MORC3: variants seen among roughly 807,000 people sequenced by gnomAD.
The protein encoded by MORC3 is MORC family CW-type zinc finger protein 3.
MORC3 carries 31 observed loss-of-function variants against 109.1 expected under a neutral mutation model. That is an observed-to-expected ratio of 0.28 (90% CI 0.21 to 0.38). MORC3 has a LOEUF of 0.38. MORC3 is among the 10% of genes least tolerant of loss of function. MORC3 has a pLI of 1.00. For synonymous variants in MORC3, 395 were observed against 380.7 expected, an observed-to-expected ratio of 1.04 and a Z score of -0.44; for missense variants, 867 against 1,135.8, an observed-to-expected ratio of 0.76 and a Z score of 3.40.
chr21:36,357,561 A>T (rs2085658655), intron 10 of MORC3, among the ~76,000 whole-genome samples: 1 of 151,244 alleles, frequency 6.6e-6, no homozygotes, highest in African/African-American at 2.4e-5. Flanking sequence ...GTATTTTTTT[A>T]ATGTGTCAGT....
intron 14 of MORC3, among the ~76,000 whole-genome samples, chr21:36,366,352 G>T (rs544896791): frequency 6.6e-6 from 1 of 151,966 alleles, no homozygotes; most frequent in Non-Finnish European, 1.5e-5. Context: ...TCATGTTGTT[G>T]CAAAGGACAT....
At chr21:36,358,594 AAAAT>A (rs965901651) in intron 10 of MORC3, among the ~76,000 whole-genome samples, 7 of 152,296 alleles carry the variant, frequency 4.6e-5, no homozygotes, top group East Asian at 1.9e-4. Context: ...ATCTCTTAAA[AAAAT>A]AAATAAATAA....
chr21:36,349,417 C>T lies in MORC3; in HGVS notation c.1103+9C>T. On this transcript the variant is annotated intron_variant, in intron 9 of 16. Transcript: ENST00000400485. ...TATACTAATGAGTACAGGTATGTTA[C>T]CTATTTAAATTATTGACTGAGGTTC... The T allele has an allele frequency of 6.6e-7, 1 of 1,519,278 alleles. No homozygotes were observed. Among genetic ancestry groups the T allele is most frequent in the Non-Finnish European group, 8.9e-7 (1 of 1,125,972 alleles). The allele number at this position is 1,519,278 out of a possible 1,614,324, so 94.1% of individuals were successfully genotyped here. A position where few individuals can be genotyped will look rare whatever the true frequency, so the allele number is the denominator to read the frequency against.
intron 16 of MORC3, among the ~76,000 whole-genome samples, chr21:36,373,490 G>T (rs2085893600): frequency 6.6e-6 from 1 of 151,844 alleles, no homozygotes; most frequent in Non-Finnish European, 1.5e-5. Flanking sequence ...TGGCATGGTG[G>T]TGCACACCTG....
chr21:36,324,956 G>A (rs1229887994), intron 1 of MORC3, among the ~76,000 whole-genome samples: 2 of 151,940 alleles, frequency 1.3e-5, no homozygotes, highest in South Asian at 2.1e-4. Flanking sequence ...TGATCCACCC[G>A]CCTCGGCCTC....
intron 1 of MORC3, among the ~76,000 whole-genome samples, chr21:36,326,163 C>T (rs778037384): frequency 2.6e-5 from 4 of 151,540 alleles, no homozygotes; most frequent in East Asian, 1.9e-4. Context: ...GCTGAGATCG[C>T]GCCATTGCAC....
intron 10 of MORC3, among the ~76,000 whole-genome samples, chr21:36,357,834 G>A (rs547540568): frequency 2.8e-4 from 41 of 147,554 alleles, no homozygotes; most frequent in South Asian, 2.5e-3. Context: ...TCCACCTCCC[G>A]GGTTCAAGCA....
At chr21:36,372,136 CTTTTT>C (rs959065888) in intron 15 of MORC3, among the ~76,000 whole-genome samples, 1 of 148,514 alleles carries the variant, frequency 6.7e-6, no homozygotes, top group African/African-American at 2.5e-5. Flanking sequence ...CTAGGTACCA[CTTTTT>C]TTTTTAAATC....
In MORC3 at chr21:36,320,251, G is replaced by C; in HGVS notation, c.-14G>C. 6.3e-7 allele frequency: 1 copy of C among 1,580,052 alleles called. No homozygotes were observed. Among genetic ancestry groups the C allele is most frequent in the Non-Finnish European group, 8.6e-7 (1 of 1,164,324 alleles). ...TGCGGCGGAGGCCGTTCCTGGCTTT[G>C]TAGCTCGCTCAAGATGGCGGCGCAG... On this transcript the variant is annotated 5_prime_UTR_variant, in exon 1 of 17. Transcript: ENST00000400485.
At chr21:36,374,823 AC>A (rs1196058274) in intron 16 of MORC3, among the ~76,000 whole-genome samples, 2 of 151,976 alleles carry the variant, frequency 1.3e-5, no homozygotes, top group African/African-American at 4.8e-5. Flanking sequence ...AGGTGTCGTC[AC>A]CAAGCCCGGC....
rs747428234 is a variant in MORC3 at position 36,344,584 on chromosome 21, T to C, written c.762T>C (p.Tyr254=). 6.2e-7 allele frequency: 1 copy of C among 1,613,262 alleles called. No homozygotes were observed. Residue 254 remains tyrosine (Y), a synonymous_variant, in exon 7 of 17, where the codon TAT becomes TAC. Coordinates refer to ENST00000400485, the MANE Select transcript of MORC3 (RefSeq NM_015358.3). Reference sequence around the variant, plus strand: ...CTTGTTATGTTATTTTCCAGGCTTATTGCAGTATATTATATCTAAAGCCAA... The same window carrying C: ...CTTGTTATGTTATTTTCCAGGCTTACTGCAGTATATTATATCTAAAGCCAA... ...APESDYSLRA[Y]CSILYLKPRM... is the part of the protein sequence containing the mutation.
At chr21:36,341,058 G>A (rs965758523) in intron 5 of MORC3, among the ~76,000 whole-genome samples, 5 of 152,164 alleles carry the variant, frequency 3.3e-5, no homozygotes, top group Admixed American at 3.3e-4. Flanking sequence ...GTAAACATTT[G>A]TGTACACAGT....
At chr21:36,372,675 T>C in intron 16 of MORC3, 144 bp downstream of exon 16, 1 of 806,058 alleles carries the variant, frequency 1.2e-6, no homozygotes, top group African/African-American at 1.8e-5. Context: ...TTATGATAGA[T>C]AAAAAAGAAG....
At chr21:36,351,759 A>G (rs144438296) in intron 9 of MORC3, among the ~76,000 whole-genome samples, 1 of 152,328 alleles carries the variant, frequency 6.6e-6, no homozygotes, top group African/African-American at 2.4e-5. Context: ...TATAGTTGCT[A>G]TGGAGAATAG....
chr21:36,350,989 C>A (rs150523429), intron 9 of MORC3, among the ~76,000 whole-genome samples: 1 of 151,012 alleles, frequency 6.6e-6, no homozygotes, highest in Non-Finnish European at 1.5e-5. Flanking sequence ...TAGGAACATT[C>A]CAATTTTACT....
At chr21:36,343,510 G>A (rs181239909) in intron 6 of MORC3, among the ~76,000 whole-genome samples, 129 of 146,502 alleles carry the variant, frequency 8.8e-4, no homozygotes, top group African/African-American at 3.0e-3. Flanking sequence ...GTGCAGTGGC[G>A]TGATCTCGGC....
At chr21:36,330,236 C>A (rs1382506186) in intron 1 of MORC3, among the ~76,000 whole-genome samples, 1 of 152,006 alleles carries the variant, frequency 6.6e-6, no homozygotes, top group African/African-American at 2.4e-5. Context: ...GAGTCAGGCA[C>A]CCTTTTCAGT....
intron 2 of MORC3, among the ~76,000 whole-genome samples, chr21:36,334,844 A>T (rs1018882737): frequency 1.3e-5 from 2 of 152,136 alleles, no homozygotes; most frequent in African/African-American, 4.8e-5. Context: ...AAATTCATGC[A>T]TAGGCTGGGC....
At chr21:36,346,989 G>C (rs1373381687) in intron 8 of MORC3, among the ~76,000 whole-genome samples, 1 of 145,318 alleles carries the variant, frequency 6.9e-6, no homozygotes, top group Non-Finnish European at 1.5e-5. Flanking sequence ...CTGGGCAACA[G>C]AGTGAGACCC....
Sources: gnomAD v4.1 joint callset for allele counts (sites outside exome capture counted in the v4.1 genomes callset) on GRCh38, gnomAD v4.1.1 for gene constraint, MANE v1.5 for transcripts, NCBI Gene and HGNC (gene_info 2026-07-23, HGNC 2026-07-21) for gene names.